Variants in PCDHGB4 observed in about 807,000 individuals in gnomAD.
The protein encoded by PCDHGB4 is protocadherin gamma subfamily B, 4.
A neutral mutation model predicts 60.5 loss-of-function variants in PCDHGB4; 38 were observed. The observed-to-expected ratio is 0.63, with a 90% CI of 0.48 to 0.82. The LOEUF is 0.82. Ranked by LOEUF, PCDHGB4 falls within the 40% of genes least tolerant of loss-of-function variation. PCDHGB4 has a pLI of 0.00. For missense variants in PCDHGB4, 1,109 were observed against 1,209.6 expected (o/e 0.92, Z 1.23); for synonymous variants, 456 against 509.7 (o/e 0.89, Z 1.42).
intron 1 of PCDHGB4, among the ~76,000 whole-genome samples, chr5:141,470,152 T>C (rs546219809): frequency 2.6e-5 from 4 of 152,308 alleles, no homozygotes; most frequent in African/African-American, 9.6e-5. Context: ...ATAGATCATC[T>C]TATCAAATCA....
In PCDHGB4 at chr5:141,511,580, G is replaced by A. The variant is rs1436011320; in HGVS notation, c.*407G>A. ...CTCTTTCCCGAGTAAGGTGGTTGGG[G>A]TGTTGAAGTACCAAGTAACCTACAA... On this transcript the variant is annotated 3_prime_UTR_variant, in exon 4 of 4. Coordinates refer to ENST00000519479, the MANE Select transcript of PCDHGB4 (RefSeq NM_003736.4). 2 of 282,206 alleles carry A rather than the reference G, an allele frequency of 7.1e-6. No individual in the cohort carries two copies. Among genetic ancestry groups the A allele is most frequent in the Admixed American group, 4.6e-5 (1 of 21,516 alleles). The allele number at this position is 282,206 out of a possible 1,614,324, so 17.5% of individuals were successfully genotyped here.
chr5:141,399,642 G>T lies in PCDHGB4; in HGVS notation c.2397+9361G>T. 1.9e-6 allele frequency: 3 copies of T among 1,613,750 alleles called. 1 individual carries two copies. Among genetic ancestry groups the T allele is most frequent in the Non-Finnish European group, 2.5e-6 (3 of 1,179,856 alleles). ...TGGCCTCTTACGTGTCCATGAGCGC[G>T]CAAAGTGGGGTGGTGTTCGCGCAGC... On this transcript the variant is annotated intron_variant, in intron 1 of 3. Transcript: ENST00000519479.
rs186288044 is a variant in PCDHGB4, at chr5:141,433,652, A to G, written c.2397+43371A>G. On this transcript the variant is annotated intron_variant, in intron 1 of 3. Transcript: ENST00000519479. ...GGAGTTTGAGACCAGCCTGACCAAC[A>G]TGGAGAAACCCCGTCTATACTAAAA... is the stretch of plus-strand genomic sequence containing the variant. 1.0e-2 allele frequency among the ~76,000 whole-genome samples: 1,520 copies of G among 152,208 alleles called. 33 individuals are homozygous for G. The highest frequency in any genetic ancestry group is 0.034 in the African/African-American group (1,423 of 41,538).
chr5:141,447,919 C>G (rs940570932), intron 1 of PCDHGB4, among the ~76,000 whole-genome samples: 2 of 152,012 alleles, frequency 1.3e-5, no homozygotes, highest in East Asian at 1.9e-4. Context: ...AACTCTGTCT[C>G]CACTAAAAAT....
intron 1 of PCDHGB4, among the ~76,000 whole-genome samples, chr5:141,472,267 C>T (rs547832378): frequency 6.6e-5 from 10 of 152,216 alleles, no homozygotes; most frequent in African/African-American, 2.4e-4. Context: ...TATAGCCGGG[C>T]ACAGTGGCTC....
At chr5:141,410,170 C>A in intron 1 of PCDHGB4, 1 of 1,613,828 alleles carries the variant, frequency 6.2e-7, no homozygotes, top group African/African-American at 1.3e-5. Context: ...CACTCTCTGC[C>A]ACCGCCACGC....
intron 1 of PCDHGB4, chr5:141,408,377 C>A: frequency 6.2e-7 from 1 of 1,614,020 alleles, no homozygotes; most frequent in Non-Finnish European, 8.5e-7. Flanking sequence ...GCTCAGTGTC[C>A]TGGATGTGTC....
rs532907359 is a variant in PCDHGB4, at chr5:141,500,353, C to T, written c.2457-5040C>T. 1.9e-4 allele frequency among the ~76,000 whole-genome samples: 29 copies of T among 152,052 alleles called. No homozygotes were observed. The East Asian group carries it at 5.2e-3, about 27-fold the overall frequency. The stretch of plus-strand genomic sequence containing the variant: ...CCTCCAGAATAGCTGGGACTACAGG[C>T]GCCCACTACCACGCCCGGCTAATTA... On this transcript the variant is annotated intron_variant, in intron 2 of 3. Transcript: ENST00000519479.
intron 1 of PCDHGB4, among the ~76,000 whole-genome samples, chr5:141,401,572 C>T (rs1013014550): frequency 3.3e-5 from 5 of 152,268 alleles, no homozygotes; most frequent in Middle Eastern, 3.4e-3. Flanking sequence ...TTCTCTTGCT[C>T]GGAATCCTGA....
chr5:141,395,019 C>T (rs374672662), intron 1 of PCDHGB4: 5 of 1,613,986 alleles, frequency 3.1e-6, no homozygotes, highest in South Asian at 1.1e-5. Context: ...GGTAGGCGTG[C>T]CTGCCTCACA....
chr5:141,421,227 C>T (rs1387397967), intron 1 of PCDHGB4: 1 of 1,587,020 alleles, frequency 6.3e-7, no homozygotes, highest in Non-Finnish European at 8.6e-7. Context: ...TAGAGCCTGC[C>T]ATGGCGAATC....
intron 2 of PCDHGB4, among the ~76,000 whole-genome samples, chr5:141,497,487 T>TCTCTCTCTC (rs1223198472): frequency 1.3e-5 from 2 of 151,562 alleles, no homozygotes; most frequent in Non-Finnish European, 2.9e-5. Flanking sequence ...GCGGAACCTC[T>TCTCTCTCTC]CTCTCTCTCC....
intron 1 of PCDHGB4, chr5:141,430,576 T>G (rs767759432): frequency 3.3e-5 from 15 of 459,492 alleles, no homozygotes; most frequent in Non-Finnish European, 5.5e-5. Flanking sequence ...AAAGCGGAGA[T>G]CCTGCTCGCC....
chr5:141,453,732 C>T (rs182118864), intron 1 of PCDHGB4, among the ~76,000 whole-genome samples: 9 of 152,332 alleles, frequency 5.9e-5, no homozygotes. Context: ...TTTGTTACTA[C>T]AGCTTAAATA....
chr5:141,481,913 CAAAAAAAA>C (rs34114744), intron 1 of PCDHGB4, among the ~76,000 whole-genome samples: 1 of 90,852 alleles, frequency 1.1e-5, no homozygotes, highest in African/African-American at 4.2e-5. Flanking sequence ...AACTCCATCT[CAAAAAAAA>C]AAAAAAAAAA....
chr5:141,462,824 A>T (rs1561993844), intron 1 of PCDHGB4, among the ~76,000 whole-genome samples: 1 of 152,158 alleles, frequency 6.6e-6, no homozygotes, highest in Non-Finnish European at 1.5e-5. Flanking sequence ...TGGACAGCAG[A>T]CATTGTAAAT....
chr5:141,483,588 A>G (rs2099583207), intron 1 of PCDHGB4, among the ~76,000 whole-genome samples: 1 of 152,112 alleles, frequency 6.6e-6, no homozygotes, highest in African/African-American at 2.4e-5. Flanking sequence ...AACACCTAAT[A>G]GGTCAGGCTG....
rs760575047 is a variant in PCDHGB4 at position 141,493,887 on chromosome 5, G to A, written c.2398-920G>A. Among the ~76,000 whole-genome samples the A allele has an allele frequency of 1.3e-5, 2 of 152,184 alleles. No individual in the cohort carries two copies. The highest frequency in any genetic ancestry group is 2.4e-5 in the African/African-American group (1 of 41,448). On this transcript the variant is annotated intron_variant, in intron 1 of 3. Coordinates refer to ENST00000519479, the MANE Select transcript of PCDHGB4 (RefSeq NM_003736.4). The surrounding 1 kb of genome is among the most constrained non-coding windows in gnomAD (Gnocchi z 4.3). Reference sequence around the variant, plus strand: ...AGAACCAGTGAGGAGGTGGCTCTAGGAGTGCTCCATGAGAGTGTGTGATGG... The same window carrying A: ...AGAACCAGTGAGGAGGTGGCTCTAGAAGTGCTCCATGAGAGTGTGTGATGG...
chr5:141,400,513 C>A, intron 1 of PCDHGB4: 1 of 1,613,994 alleles, frequency 6.2e-7, no homozygotes, highest in Non-Finnish European at 8.5e-7. Context: ...GTCGACTTCC[C>A]ATCCTGAGTT....
Sources: gnomAD v4.1 joint callset for allele counts (sites outside exome capture counted in the v4.1 genomes callset) on GRCh38, gnomAD v4.1.1 for gene constraint, Gnocchi (gnomAD v3.1) non-coding constraint, MANE v1.5 for transcripts, NCBI Gene and HGNC (gene_info 2026-07-23, HGNC 2026-07-21) for gene names.